CEACAM20: variants seen among roughly 807,000 people sequenced by gnomAD.
CEACAM20 encodes cell adhesion molecule CEACAM20.
CEACAM20 carries 50 observed loss-of-function variants against 61.2 expected under a neutral mutation model. That is an observed-to-expected ratio of 0.82 (90% CI 0.65 to 1.03). CEACAM20 has a LOEUF of 1.03. CEACAM20 is among the 50% of genes least tolerant of loss of function. The probability of loss-of-function intolerance (pLI) is 0.00; values close to 1 mark genes in which losing one functional copy is unlikely to be tolerated. For missense variants in CEACAM20, 683 were observed against 736.4 expected, an observed-to-expected ratio of 0.93 and a Z score of 0.84; for synonymous variants, 282 against 287.7, an observed-to-expected ratio of 0.98 and a Z score of 0.20.
At chr19:44,527,547 T>C (rs114648184) in intron 1 of CEACAM20, among the ~76,000 whole-genome samples, 1,604 of 152,292 alleles carry the variant, frequency 0.011, 28 homozygotes, top group African/African-American at 0.037. Flanking sequence ...GGCCTCATCA[T>C]ACCCACCCGA....
intron 4 of CEACAM20, among the ~76,000 whole-genome samples, chr19:44,521,993 C>T (rs1172531066): frequency 2.6e-5 from 4 of 152,140 alleles, no homozygotes; most frequent in Non-Finnish European, 5.9e-5. Context: ...TGTGCCAAGC[C>T]AGGCAAAGGA....
Position 44,517,178 on chromosome 19 carries a change from C to A in CEACAM20, c.1077G>T (p.Met359Ile). 1.9e-6 allele frequency: 3 copies of A among 1,612,050 alleles called. No homozygotes were observed. The highest frequency in any genetic ancestry group is 2.5e-6 in the Non-Finnish European group (3 of 1,179,878). The part of the protein sequence containing the change: ...VHITRESASE[M>I]ISTIEAELNS... Reference sequence around the variant, plus strand: ...TGAGCTCTGCCTCTATGGTGCTGATCATCTCAGATGCCGACTCCCTGGTGA... The same window carrying A: ...TGAGCTCTGCCTCTATGGTGCTGATAATCTCAGATGCCGACTCCCTGGTGA... The change falls in exon 6 of 12, where the codon ATG becomes ATT. Residue 359 changes from methionine to isoleucine, a missense_variant. Transcript: ENST00000614924.
chr19:44,523,886 A>G, intron 3 of CEACAM20, 100 bp downstream of exon 3: 1 of 1,284,148 alleles, frequency 7.8e-7, no homozygotes. Flanking sequence ...TCAAAGGTAG[A>G]CAAGTCCGCA....
Position 44,517,010 on chromosome 19 carries a change from G to T in CEACAM20, c.1245C>A (p.Asn415Lys), listed in dbSNP as rs766937689. The change falls in exon 6 of 12, where the codon AAC becomes AAA. Residue 415 changes from asparagine (N) to lysine (K), a missense_variant. Physicochemically the swap from Asn to Lys is moderately conservative, Grantham distance 94 (BLOSUM62 0). Coordinates refer to ENST00000614924, the MANE Select transcript of CEACAM20 (RefSeq NM_001102597.3). ...ALTWEHDGIY[N>K]CTASNSLTGL... is the part of the protein sequence containing the mutation. ...CAGTGAGAGAGTTGGAGGCTGTGCA[G>T]TTGTAGATCCCGTCGTGTTCCCAGG... 1 of 1,597,608 alleles carries T rather than the reference G, an allele frequency of 6.3e-7. No homozygotes were observed. The highest frequency in any genetic ancestry group is 8.5e-7 in the Non-Finnish European group (1 of 1,172,416).
At chr19:44,526,032 A>G (rs1971520090) in intron 1 of CEACAM20, among the ~76,000 whole-genome samples, 1 of 152,194 alleles carries the variant, frequency 6.6e-6, no homozygotes, top group Non-Finnish European at 1.5e-5. Flanking sequence ...CCAGGCCCTG[A>G]AGACTGTGCT....
chr19:44,510,611 A>AGAAAGAAAGAAAGAAAGGAAGG lies in CEACAM20; in HGVS notation c.1737+418_1737+419insCCTTCCTTTCTTTCTTTCTTTC, dbSNP rs71171251. Among the ~76,000 whole-genome samples, 50 of 72,408 alleles carry AGAAAGAAAGAAAGAAAGGAAGG rather than the reference A, an allele frequency of 6.9e-4. 2 individuals are homozygous for AGAAAGAAAGAAAGAAAGGAAGG. The highest frequency in any genetic ancestry group is 2.6e-3 in the African/African-American group (40 of 15,660). 47.5% of individuals were successfully genotyped at this position (72,408 alleles called of 152,430 possible). ...AAGAAAGAAAGAAAGAAAGAAAGAA[A>AGAAAGAAAGAAAGAAAGGAAGG]AAGGAAGGAAGGAAGAAAGAAAGAG... On this transcript the variant is annotated intron_variant, in intron 11 of 11. Transcript: ENST00000614924.
intron 1 of CEACAM20, among the ~76,000 whole-genome samples, chr19:44,527,954 G>A (rs1193880310): frequency 6.6e-6 from 1 of 152,096 alleles, no homozygotes; most frequent in Admixed American, 6.5e-5. Flanking sequence ...TGGCCGCTCA[G>A]GGCTGGCACA....
At chr19:44,525,044 T>A (rs1971484988) in intron 2 of CEACAM20, 57 bp downstream of exon 2, 4 of 1,592,536 alleles carry the variant, frequency 2.5e-6, no homozygotes, top group Non-Finnish European at 3.4e-6. Flanking sequence ...GAGGTTCGGA[T>A]GAGGGATCTC....
chr19:44,528,733 T>G (rs1000440087), intron 1 of CEACAM20, among the ~76,000 whole-genome samples: 1 of 152,014 alleles, frequency 6.6e-6, no homozygotes, highest in South Asian at 2.1e-4. Context: ...TCTCTGTTTA[T>G]GTCTCCTTCT....
chr19:44,506,289 C>A (rs1373103423), intron 11 of CEACAM20, 75 bp from the exon 12 acceptor site: 1 of 1,306,684 alleles, frequency 7.7e-7, no homozygotes, highest in Non-Finnish European at 1.1e-6. Context: ...AGTCTGGGGC[C>A]CAAACAGCCT....
At chr19:44,516,678 T>C (rs1355294881) in intron 6 of CEACAM20, among the ~76,000 whole-genome samples, 1 of 152,174 alleles carries the variant, frequency 6.6e-6, no homozygotes, top group Non-Finnish European at 1.5e-5. Flanking sequence ...GAAAATGGAC[T>C]AATACACATC....
At chr19:44,520,826 GT>G (rs1381053909) in intron 4 of CEACAM20, 74 bp from the exon 5 acceptor site, 2 of 1,478,910 alleles carry the variant, frequency 1.4e-6, no homozygotes, top group Non-Finnish European at 1.8e-6. Context: ...GGGCCCACAA[GT>G]TTTTCCAGGA....
At chr19:44,513,334 A>C in intron 6 of CEACAM20, 45 bp from the exon 7 acceptor site, 3 of 1,319,560 alleles carry the variant, frequency 2.3e-6, no homozygotes, top group Non-Finnish European at 3.3e-6. Context: ...ACACACCCTC[A>C]TCCCTGCTCC....
At chr19:44,510,893 G>T in intron 11 of CEACAM20, 137 bp downstream of exon 11, 1 of 973,576 alleles carries the variant, frequency 1.0e-6, no homozygotes, top group Non-Finnish European at 1.5e-6. Context: ...GATGGAAATG[G>T]ATAGGATGGA....
chr19:44,511,665 G>A lies in CEACAM20; in HGVS notation c.1583C>T (p.Pro528Leu). 1 of 1,612,698 alleles carries A rather than the reference G, an allele frequency of 6.2e-7. No homozygotes were observed. The highest frequency in any genetic ancestry group is 8.5e-7 in the Non-Finnish European group (1 of 1,179,506). ...ATAGGTCTCCTCTGGAAGGTCTGGT[G>A]GTTGCATCTGGGGAAAAACAAAGTT... Reference protein sequence around the residue: ...QGRIRVELMQPPDLPEETYET... With the variant: ...QGRIRVELMQLPDLPEETYET... The change falls in exon 10 of 12, where the codon CCA (proline) becomes CTA (leucine). Residue 528 changes from proline to leucine, a missense_variant. Coordinates refer to ENST00000614924, the MANE Select transcript of CEACAM20 (RefSeq NM_001102597.3).
intron 5 of CEACAM20, among the ~76,000 whole-genome samples, chr19:44,518,164 AAGG>A (rs1198221670): frequency 0.28 from 17,533 of 62,550 alleles, 2,916 homozygotes; most frequent in Non-Finnish European, 0.37. Flanking sequence ...GGAAGGAAGG[AAGG>A]AAGAAAGCAG....
At chr19:44,511,612 A>T in intron 10 of CEACAM20, 25 bp downstream of exon 10, 1 of 1,608,756 alleles carries the variant, frequency 6.2e-7, no homozygotes, top group Non-Finnish European at 8.5e-7. Context: ...AGATTCTTTA[A>T]CCAAACCCAG....
At position 44,517,096 on chromosome 19, in the gene CEACAM20, A is replaced by G. The variant is rs774923679; in HGVS notation, c.1159T>C (p.Trp387Arg). 6.2e-7 allele frequency: 1 copy of G among 1,611,802 alleles called. No individual in the cohort carries two copies. The highest frequency in any genetic ancestry group is 1.3e-5 in the African/African-American group (1 of 74,896). The change falls in exon 6 of 12, where the codon TGG becomes CGG. Residue 387 changes from tryptophan to arginine, a missense_variant. By Grantham distance (101) the Trp-to-Arg change is moderately radical. Coordinates refer to ENST00000614924, the MANE Select transcript of CEACAM20 (RefSeq NM_001102597.3). ...AESKPGAEYR[W>R]TLEHSTGEHL... ...TCCCCGGTGGAGTGTTCAAGAGTCC[A>G]GCGATACTCAGCACCTGGCTTGGAC...
rs571679459 is a variant in CEACAM20, at chr19:44,522,734, G to T, written c.651C>A (p.Ile217=). 3.1e-6 allele frequency: 5 copies of T among 1,613,936 alleles called. No individual in the cohort carries two copies. The East Asian group carries it at 1.1e-4, about 36-fold the overall frequency. Residue 217 remains isoleucine (I), a synonymous_variant, in exon 4 of 12, where the codon ATC becomes ATA. Coordinates refer to ENST00000614924, the MANE Select transcript of CEACAM20 (RefSeq NM_001102597.3). ...CCTCATGTTCTCTGGACACAGCATG[G>T]ATGGTGAATGTTCTCGTGGTGTGAG... is the stretch of plus-strand genomic sequence containing the variant. ...ILSHTTRTFT[I]HAVSREHEGL...
Sources: allele counts gnomAD v4.1 joint callset (sites outside exome capture counted in the v4.1 genomes callset), GRCh38; gene constraint gnomAD v4.1.1; transcripts MANE v1.5; gene names NCBI Gene and HGNC (gene_info 2026-07-23, HGNC 2026-07-21).